INTS4: variants seen among roughly 807,000 people sequenced by gnomAD.
INTS4 encodes MSTP093.
Under a neutral mutation model 119.5 loss-of-function variants are expected in INTS4, and 70 were observed. The observed-to-expected ratio is 0.59, with a 90% CI of 0.48 to 0.71. The LOEUF is 0.71. Ranked by LOEUF, INTS4 falls within the 30% of genes least tolerant of loss-of-function variation. The probability of loss-of-function intolerance (pLI) is 0.00; values close to 1 mark genes in which losing one functional copy is unlikely to be tolerated. For missense variants in INTS4, 867 were observed against 1,173.2 expected (o/e 0.74, Z 3.81); for synonymous variants, 316 against 419.6 (o/e 0.75, Z 3.02).
chr11:77,979,028 T>C lies in INTS4; in HGVS notation c.439A>G (p.Ile147Val), dbSNP rs1490707641. The part of the protein sequence containing the change: ...IGTKLPENQA[I>V]QMRLVDVACK... ...GCCACATCAACTAATCGCATTTGGA[T>C]AGCTTGATTCTCTGGTAGCTTAGTG... is the stretch of plus-strand genomic sequence containing the variant. Residue 147 changes from isoleucine (I) to valine (V), a missense_variant, in exon 4 of 23, where the codon ATC (isoleucine) becomes GTC (valine). By Grantham distance (29) the Ile-to-Val change is conservative. Transcript: ENST00000534064. The C allele has an allele frequency of 3.1e-6, 5 of 1,612,736 alleles. No homozygotes were observed. In the African/African-American group the frequency reaches 4.0e-5, roughly 13 times the overall value.
At chr11:77,915,759 T>G (rs1413889586) in intron 15 of INTS4, among the ~76,000 whole-genome samples, 1 of 152,244 alleles carries the variant, frequency 6.6e-6, no homozygotes, top group African/African-American at 2.4e-5. Context: ...ATCTACTGTA[T>G]CTTCCTAGAC....
intron 7 of INTS4, among the ~76,000 whole-genome samples, chr11:77,957,888 T>C (rs1245044593): frequency 6.6e-6 from 1 of 152,102 alleles, no homozygotes; most frequent in African/African-American, 2.4e-5. Context: ...AAGCTGGTCT[T>C]GAACTCCTGA....
At chr11:77,920,988 T>A (rs1953346613) in intron 14 of INTS4, among the ~76,000 whole-genome samples, 1 of 151,658 alleles carries the variant, frequency 6.6e-6, no homozygotes, top group African/African-American at 2.4e-5. Context: ...CCAAAAAAAA[T>A]GAATCATCTT....
chr11:77,971,233 C>A (rs2187564), intron 4 of INTS4, among the ~76,000 whole-genome samples: 57,507 of 151,956 alleles, frequency 0.38, 11,039 homozygotes, highest in African/African-American at 0.42. Context: ...CTATTCAGAT[C>A]TTTTGCCCAT....
chr11:77,920,206 C>T (rs76980381), intron 14 of INTS4, among the ~76,000 whole-genome samples: 202 of 88,962 alleles, frequency 2.3e-3, no homozygotes, highest in African/African-American at 7.9e-3. Flanking sequence ...CATATATATA[C>T]ACACATATAT....
intron 10 of INTS4, among the ~76,000 whole-genome samples, chr11:77,933,799 G>A (rs1324936480): frequency 1.3e-5 from 2 of 150,022 alleles, no homozygotes; most frequent in Admixed American, 6.6e-5. Context: ...CCCGGCAGCC[G>A]CCCCGTCCGG....
rs370156812 is a variant in INTS4, at chr11:77,958,850, C to A, written c.709-16G>T. 134 of 1,481,694 alleles carry A rather than the reference C, an allele frequency of 9.0e-5. No homozygotes were observed. Among genetic ancestry groups the A allele is most frequent in the Non-Finnish European group, 1.2e-4 (127 of 1,063,328 alleles). The allele number at this position is 1,481,694 out of a possible 1,614,324, so 91.8% of individuals were successfully genotyped here. Reference sequence around the variant, plus strand: ...ATTTACAGGCCTGCAAAGAAGAATTCCAAAAGTCTATTAGTTCTGTGTCCT... The same window carrying A: ...ATTTACAGGCCTGCAAAGAAGAATTACAAAAGTCTATTAGTTCTGTGTCCT... On this transcript the variant is annotated splice_polypyrimidine_tract_variant and intron_variant, in intron 6 of 22. Coordinates refer to ENST00000534064, the MANE Select transcript of INTS4 (RefSeq NM_033547.4).
At chr11:77,932,176 T>C (rs1299737984) in intron 10 of INTS4, among the ~76,000 whole-genome samples, 2 of 152,168 alleles carry the variant, frequency 1.3e-5, no homozygotes, top group African/African-American at 2.4e-5. Flanking sequence ...GAGAAAATTT[T>C]TGTAACCTAT....
chr11:77,954,649 T>C (rs933403060), intron 8 of INTS4, among the ~76,000 whole-genome samples: 2 of 152,234 alleles, frequency 1.3e-5, no homozygotes, highest in African/African-American at 4.8e-5. Flanking sequence ...CATCAGGAAT[T>C]AGACTCTCAC....
intron 2 of INTS4, among the ~76,000 whole-genome samples, chr11:77,985,660 T>C (rs1322013781): frequency 6.6e-6 from 1 of 152,158 alleles, no homozygotes; most frequent in Admixed American, 6.6e-5. Context: ...ATCATCTACA[T>C]CTCTATTACC....
At chr11:77,961,900 T>C (rs1394679598) in intron 4 of INTS4, among the ~76,000 whole-genome samples, 4 of 152,274 alleles carry the variant, frequency 2.6e-5, no homozygotes, top group African/African-American at 9.6e-5. Context: ...TCTTTGGCTA[T>C]TTCGAATAAT....
chr11:77,986,987 A>C (rs778819513), intron 2 of INTS4: 1 of 152,182 alleles, frequency 6.6e-6, no homozygotes, highest in Non-Finnish European at 1.5e-5. Context: ...AAAGTATAAT[A>C]ATAAAAAAAG....
In INTS4 at chr11:77,980,540, G is replaced by A. The variant is rs918704402; in HGVS notation, c.364+919C>T. Among the ~76,000 whole-genome samples the A allele has an allele frequency of 1.7e-4, 26 of 152,124 alleles. 1 individual carries two copies. The highest frequency in any genetic ancestry group is 3.4e-3 in the Middle Eastern group (1 of 294). On this transcript the variant is annotated intron_variant, in intron 3 of 22. Transcript: ENST00000534064. ...GATAAAGGTGTGAGCAACCATGTTT[G>A]GCTAATTTTTTAATATTTTGTAGAG...
At chr11:77,895,924 G>A (rs896989910) in intron 18 of INTS4, among the ~76,000 whole-genome samples, 2 of 152,086 alleles carry the variant, frequency 1.3e-5, no homozygotes, top group African/African-American at 2.4e-5. Flanking sequence ...AGGCTCACTC[G>A]GGGGCTAACA....
At chr11:77,938,035 C>T (rs1483968653) in intron 10 of INTS4, among the ~76,000 whole-genome samples, 1 of 151,880 alleles carries the variant, frequency 6.6e-6, no homozygotes, top group East Asian at 1.9e-4. Flanking sequence ...TTAGTAGATC[C>T]AGGGTTTCAC....
chr11:77,949,727 G>C (rs938018771), intron 8 of INTS4, among the ~76,000 whole-genome samples: 1 of 152,194 alleles, frequency 6.6e-6, no homozygotes, highest in African/African-American at 2.4e-5. Context: ...ACAGGTGCTG[G>C]AGAGGATGTG....
intron 2 of INTS4, among the ~76,000 whole-genome samples, chr11:77,984,123 G>T (rs1185667280): frequency 1.3e-5 from 2 of 152,082 alleles, no homozygotes; most frequent in African/African-American, 4.8e-5. Context: ...AGTGAAAAAA[G>T]CCAGGCACAA....
intron 4 of INTS4, among the ~76,000 whole-genome samples, chr11:77,970,530 G>C (rs1356982963): frequency 2.0e-5 from 3 of 151,756 alleles, no homozygotes; most frequent in Non-Finnish European, 2.9e-5. Context: ...GACTGTTTTT[G>C]AAAGCAGCTG....
At chr11:77,887,678 G>A (rs779196748) in intron 21 of INTS4, among the ~76,000 whole-genome samples, 7 of 152,028 alleles carry the variant, frequency 4.6e-5, no homozygotes, top group African/African-American at 7.3e-5. Flanking sequence ...AAACCCCATC[G>A]TCTCAGCCCA....
Sources: gnomAD v4.1 joint callset for allele counts (sites outside exome capture counted in the v4.1 genomes callset) on GRCh38, gnomAD v4.1.1 for gene constraint, MANE v1.5 for transcripts, NCBI Gene and HGNC (gene_info 2026-07-23, HGNC 2026-07-21) for gene names.